The following PLAG1 variants were observed in gnomAD, a reference collection of about 807,000 sequenced individuals.
PLAG1 encodes zinc finger protein PLAG1.
Under a neutral mutation model 35.5 loss-of-function variants are expected in PLAG1, and 7 were observed. The ratio of observed to expected loss-of-function variants is 0.20; its 90% CI spans 0.11 to 0.37. The LOEUF is 0.37. PLAG1 is among the 10% of genes least tolerant of loss of function. The pLI is 1.00. For synonymous variants in PLAG1, 229 were observed against 225.4 expected, an observed-to-expected ratio of 1.02 and a Z score of -0.14; for missense variants, 454 against 602.8, an observed-to-expected ratio of 0.75 and a Z score of 2.58.
At chr8:56,177,981 C>T (rs2129227430) in intron 2 of PLAG1, 1 of 963,280 alleles carries the variant, frequency 1.0e-6, no homozygotes, top group South Asian at 4.8e-5. Context: ...GCCCGCCAAG[C>T]ACGGATACAA....
chr8:56,204,156 A>G (rs1030818585), intron 1 of PLAG1, among the ~76,000 whole-genome samples: 3 of 152,004 alleles, frequency 2.0e-5, no homozygotes, highest in African/African-American at 7.2e-5. Context: ...TAGGAAATAC[A>G]GAAGATAGCT....
At chr8:56,196,671 C>G (rs1444459353) in intron 1 of PLAG1, among the ~76,000 whole-genome samples, 2 of 152,118 alleles carry the variant, frequency 1.3e-5, no homozygotes, top group Non-Finnish European at 2.9e-5. Flanking sequence ...GTGTGCACAT[C>G]TCTTGACCCC....
At chr8:56,209,734 G>C (rs1014060195) in intron 1 of PLAG1, among the ~76,000 whole-genome samples, 1 of 152,098 alleles carries the variant, frequency 6.6e-6, no homozygotes, top group Non-Finnish European at 1.5e-5. Flanking sequence ...CTCCCCAAAA[G>C]GTACTCCAGC....
At chr8:56,177,798 G>A (rs1039001505) in intron 2 of PLAG1, among the ~76,000 whole-genome samples, 1 of 152,176 alleles carries the variant, frequency 6.6e-6, no homozygotes, top group African/African-American at 2.4e-5. Flanking sequence ...AGCAAGCTCA[G>A]AAGACAAGCC....
intron 1 of PLAG1, among the ~76,000 whole-genome samples, chr8:56,200,793 C>T (rs1812525992): frequency 6.6e-6 from 1 of 152,158 alleles, no homozygotes; most frequent in Admixed American, 6.5e-5. Flanking sequence ...TCTCAAGTTC[C>T]ACCTCTCCCT....
chr8:56,201,879 T>C (rs1418616566), intron 1 of PLAG1, among the ~76,000 whole-genome samples: 1 of 152,118 alleles, frequency 6.6e-6, no homozygotes, highest in Non-Finnish European at 1.5e-5. Context: ...AAAAGTCATG[T>C]TGCTAACGAT....
intron 1 of PLAG1, among the ~76,000 whole-genome samples, chr8:56,198,112 T>C (rs1429577550): frequency 1.3e-5 from 2 of 152,204 alleles, no homozygotes; most frequent in Non-Finnish European, 2.9e-5. Context: ...CTAGCTTCCC[T>C]TCACCACAAT....
intron 1 of PLAG1, among the ~76,000 whole-genome samples, chr8:56,187,250 T>C (rs1018662260): frequency 6.6e-6 from 1 of 152,192 alleles, no homozygotes; most frequent in African/African-American, 2.4e-5. Context: ...AGAGAAGGTC[T>C]TTCCATCATC....
intron 1 of PLAG1, among the ~76,000 whole-genome samples, chr8:56,192,134 T>C (rs1025175443): frequency 1.3e-5 from 2 of 152,134 alleles, no homozygotes; most frequent in Non-Finnish European, 2.9e-5. Context: ...CTGTGGCCCA[T>C]GGTGGGGAAA....
chr8:56,208,280 C>G (rs1254489647), intron 1 of PLAG1, among the ~76,000 whole-genome samples: 1 of 152,124 alleles, frequency 6.6e-6, no homozygotes, highest in African/African-American at 2.4e-5. Flanking sequence ...AACCTCTGGA[C>G]AGAAGATCAT....
rs972370542 is a variant in PLAG1, at chr8:56,162,353, C to T, written c.*3890G>A. 5 of 224,452 alleles carry T rather than the reference C, an allele frequency of 2.2e-5. No homozygotes were observed. Among genetic ancestry groups the T allele is most frequent in the East Asian group, 6.4e-5 (1 of 15,596 alleles). The allele number at this position is 224,452 out of a possible 1,614,324, so 13.9% of individuals were successfully genotyped here. A position where few individuals can be genotyped will look rare whatever the true frequency, so the allele number is the denominator to read the frequency against. On this transcript the variant is annotated 3_prime_UTR_variant, in exon 5 of 5. Coordinates refer to ENST00000316981, the MANE Select transcript of PLAG1 (RefSeq NM_002655.3). ...TGGGAAGACAGTGTGCTTTGAGACA[C>T]GTAAACCTTGTAAAAAAATAAACCA...
chr8:56,210,196 T>A (rs745673169), intron 1 of PLAG1, among the ~76,000 whole-genome samples: 1 of 152,140 alleles, frequency 6.6e-6, no homozygotes, highest in African/African-American at 2.4e-5. Flanking sequence ...AAAGTCAAAA[T>A]GGACTTCAGG....
Position 56,164,269 on chromosome 8 carries a change from C to T in PLAG1, c.*1974G>A, listed in dbSNP as rs1385963680. The T allele has an allele frequency of 9.4e-6, 2 of 213,244 alleles. No homozygotes were observed. Among genetic ancestry groups the T allele is most frequent in the Admixed American group, 5.9e-5 (1 of 16,982 alleles). 13.2% of individuals were successfully genotyped at this position (213,244 alleles called of 1,614,324 possible). Reference sequence around the variant, plus strand: ...AGGAGCATGATAAAATATCAGGAGCCAAAGCTCCTTCAGAGAGCAACTTTG... The same window carrying T: ...AGGAGCATGATAAAATATCAGGAGCTAAAGCTCCTTCAGAGAGCAACTTTG... On this transcript the variant is annotated 3_prime_UTR_variant, in exon 5 of 5. Transcript: ENST00000316981.
At chr8:56,176,042 T>G (rs1411493399) in intron 2 of PLAG1, among the ~76,000 whole-genome samples, 2 of 140,706 alleles carry the variant, frequency 1.4e-5, no homozygotes, top group Non-Finnish European at 3.1e-5. Context: ...TCCCTTTTCC[T>G]TTTCTTTTTT....
intron 1 of PLAG1, among the ~76,000 whole-genome samples, chr8:56,185,912 A>G (rs1278078099): frequency 6.6e-6 from 1 of 152,264 alleles, no homozygotes; most frequent in Non-Finnish European, 1.5e-5. Context: ...AAGAAGTGCC[A>G]TGCTAATTGA....
Position 56,168,168 on chromosome 8 carries a change from A to T in PLAG1, c.102T>A (p.Phe34Leu), listed in dbSNP as rs1410466910. 1 of 1,613,690 alleles carries T rather than the reference A, an allele frequency of 6.2e-7. No individual in the cohort carries two copies. Among genetic ancestry groups the T allele is most frequent in the South Asian group, 1.1e-5 (1 of 91,078 alleles). The change falls in exon 4 of 5, where the codon TTT becomes TTA. Residue 34 changes from phenylalanine (F) to leucine (L), a missense_variant. Phe to Leu is a conservative substitution (Grantham distance 22). Transcript: ENST00000316981. ...AGGCCTTGTCACACAGTTGGCAAGG[A>T]AAGTTTTTTCTTGGTTTGGTTTCAC... Reference protein sequence around the residue: ...KRGETKPRKNFPCQLCDKAFN... With the variant: ...KRGETKPRKNLPCQLCDKAFN...
At chr8:56,209,637 A>G (rs914130440) in intron 1 of PLAG1, among the ~76,000 whole-genome samples, 18 of 152,260 alleles carry the variant, frequency 1.2e-4, no homozygotes, top group Admixed American at 4.6e-4. Flanking sequence ...ACATAAAACC[A>G]GAAAACCTCA....
At chr8:56,208,420 A>C (rs995083949) in intron 1 of PLAG1, among the ~76,000 whole-genome samples, 34 of 152,268 alleles carry the variant, frequency 2.2e-4, no homozygotes, top group African/African-American at 7.7e-4. Context: ...CCAAAATCAG[A>C]AACCACAAGA....
chr8:56,208,718 T>G (rs1415554031), intron 1 of PLAG1, among the ~76,000 whole-genome samples: 1 of 152,204 alleles, frequency 6.6e-6, no homozygotes. Flanking sequence ...AGATTAACCT[T>G]AATCCCCATT....
Sources: gnomAD v4.1 joint callset for allele counts (sites outside exome capture counted in the v4.1 genomes callset) on GRCh38, gnomAD v4.1.1 for gene constraint, MANE v1.5 for transcripts, NCBI Gene and HGNC (gene_info 2026-07-23, HGNC 2026-07-21) for gene names.